GPC5: variants seen among roughly 807,000 people sequenced by gnomAD.
GPC5 encodes glypican 5.
GPC5 carries 47 observed loss-of-function variants against 53.9 expected under a neutral mutation model. The observed-to-expected ratio is 0.87, with a 90% CI of 0.69 to 1.11. The LOEUF (loss-of-function observed/expected upper bound fraction) is 1.11, where lower values mean the gene tolerates loss of function less well. GPC5 is among the 50% of genes most tolerant of loss of function. The probability of loss-of-function intolerance (pLI) is 0.00; values close to 1 mark genes in which losing one functional copy is unlikely to be tolerated. For missense variants in GPC5, 748 were observed against 713.1 expected (o/e 1.05, Z -0.56); for synonymous variants, 286 against 263.3 (o/e 1.09, Z -0.84).
At chr13:92,634,113 G>C (rs35683948) in intron 7 of GPC5, among the ~76,000 whole-genome samples, 1 of 131,362 alleles carries the variant, frequency 7.6e-6, no homozygotes, top group Non-Finnish European at 1.9e-5. Context: ...TCTTGGTTAC[G>C]GACTATCTTT....
intron 1 of GPC5, among the ~76,000 whole-genome samples, chr13:91,416,103 G>A (rs1463983183): frequency 1.3e-5 from 2 of 151,906 alleles, no homozygotes; most frequent in African/African-American, 4.8e-5. Context: ...TAGCAGAGGT[G>A]GGAGGAAGAC....
intron 2 of GPC5, among the ~76,000 whole-genome samples, chr13:91,655,510 A>G (rs1220800986): frequency 6.6e-6 from 1 of 152,106 alleles, no homozygotes; most frequent in African/African-American, 2.4e-5. Context: ...TAAAATCTCA[A>G]AAGGCATTTA....
At chr13:92,345,776 C>T (rs2043406182) in intron 7 of GPC5, among the ~76,000 whole-genome samples, 1 of 152,054 alleles carries the variant, frequency 6.6e-6, no homozygotes, top group East Asian at 1.9e-4. Context: ...TCCCAGAAAG[C>T]CCACTTCAGT....
intron 7 of GPC5, among the ~76,000 whole-genome samples, chr13:92,471,003 T>C (rs983826859): frequency 6.6e-6 from 1 of 152,072 alleles, no homozygotes; most frequent in Non-Finnish European, 1.5e-5. Context: ...TATCAGAGGA[T>C]GTAGGAGATG....
chr13:91,823,832 C>A (rs77061064), intron 5 of GPC5, among the ~76,000 whole-genome samples: 6,709 of 152,122 alleles, frequency 0.044, 172 homozygotes, highest in Middle Eastern at 0.065. Context: ...ATTTTTGCTT[C>A]ATTAGTTCTT....
At position 92,465,368 on chromosome 13, in the gene GPC5, A is replaced by T. The variant is rs190552231; in HGVS notation, c.1561+320379A>T. On this transcript the variant is annotated intron_variant, in intron 7 of 7. Transcript: ENST00000377067. ...GACATGAATGAACTATGTACAATTT[A>T]GACATACAGATGAAGATTATATTCT... Among the ~76,000 whole-genome samples the T allele has an allele frequency of 6.4e-4, 98 of 152,250 alleles. 1 individual carries two copies. The highest frequency in any genetic ancestry group is 2.3e-3 in the African/African-American group (94 of 41,584).
At chr13:92,166,921 G>GTCTCTCTCTCTCTC (rs35310453) in intron 7 of GPC5, among the ~76,000 whole-genome samples, 37 of 128,480 alleles carry the variant, frequency 2.9e-4, no homozygotes, top group African/African-American at 1.1e-3. Flanking sequence ...ATAAGTCTCA[G>GTCTCTCTCTCTCTC]TCTCTCTCTC....
At chr13:92,225,094 C>A (rs2042475700) in intron 7 of GPC5, among the ~76,000 whole-genome samples, 1 of 152,066 alleles carries the variant, frequency 6.6e-6, no homozygotes, top group Admixed American at 6.5e-5. Context: ...TGCCCCATAG[C>A]CTATTGAGTA....
chr13:92,577,418 A>ATGTGTGTGTGTGTC (rs1555292114), intron 7 of GPC5, among the ~76,000 whole-genome samples: 7 of 145,346 alleles, frequency 4.8e-5, no homozygotes, highest in Non-Finnish European at 1.1e-4. Context: ...ATGTATGTAT[A>ATGTGTGTGTGTGTC]TGTGTGTGTG....
intron 2 of GPC5, among the ~76,000 whole-genome samples, chr13:91,542,516 A>G (rs911582711): frequency 1.3e-5 from 2 of 152,174 alleles, no homozygotes; most frequent in African/African-American, 4.8e-5. Flanking sequence ...TTCCAGTGTT[A>G]GTTTTTGCAT....
chr13:92,429,811 AT>A (rs1434924129), intron 7 of GPC5, among the ~76,000 whole-genome samples: 1 of 152,136 alleles, frequency 6.6e-6, no homozygotes, highest in African/African-American at 2.4e-5. Flanking sequence ...ATCATTAAGA[AT>A]TACTGGGAGC....
chr13:92,522,838 T>G (rs1040482018), intron 7 of GPC5, among the ~76,000 whole-genome samples: 25 of 152,144 alleles, frequency 1.6e-4, no homozygotes, highest in African/African-American at 6.0e-4. Flanking sequence ...AAATTCTGTT[T>G]TAAAATATTG....
At chr13:91,860,420 A>G (rs527271334) in intron 5 of GPC5, among the ~76,000 whole-genome samples, 33 of 149,084 alleles carry the variant, frequency 2.2e-4, no homozygotes, top group Admixed American at 2.1e-3. Context: ...TTATGGCCGA[A>G]TAGTACTTCA....
Position 91,617,128 on chromosome 13 carries a change from G to C in GPC5, c.326-76059G>C, listed in dbSNP as rs77458476. On this transcript the variant is annotated intron_variant, in intron 2 of 7. Transcript: ENST00000377067. ...TTATTGAATGTCTGTTACATGTCAG[G>C]GTTGGGTGTAGCAATCAATTAAATG... Among the ~76,000 whole-genome samples the C allele has an allele frequency of 3.3e-5, 5 of 152,226 alleles. No homozygotes were observed. The East Asian group carries it at 9.6e-4, about 29-fold the overall frequency.
At chr13:92,055,401 G>T (rs1193656983) in intron 6 of GPC5, among the ~76,000 whole-genome samples, 3 of 152,092 alleles carry the variant, frequency 2.0e-5, no homozygotes, top group African/African-American at 4.8e-5. Flanking sequence ...AATGTTTAAG[G>T]TTTATTAATT....
In GPC5 at chr13:91,866,920, A is replaced by G. The variant is rs371192299; in HGVS notation, c.1281-41017A>G. 1.5e-3 allele frequency among the ~76,000 whole-genome samples: 232 copies of G among 152,332 alleles called. 1 individual carries two copies. In the Middle Eastern group the frequency reaches 0.054, roughly 36 times the overall value. ...CTTCCACTATTGAAGTAAAAGTATCATCATTGGCTGGATGTGGGGACGTGG... is the reference window on the plus strand; with the variant it reads ...CTTCCACTATTGAAGTAAAAGTATCGTCATTGGCTGGATGTGGGGACGTGG... On this transcript the variant is annotated intron_variant, in intron 5 of 7. Coordinates refer to ENST00000377067, the MANE Select transcript of GPC5 (RefSeq NM_004466.6).
rs533521496 is a variant in GPC5 at position 92,618,587 on chromosome 13, A to G, written c.1562-247695A>G. On this transcript the variant is annotated intron_variant, in intron 7 of 7. Coordinates refer to ENST00000377067, the MANE Select transcript of GPC5 (RefSeq NM_004466.6). ...CTTCACTTTTATTCTAAAGATTTTC[A>G]TAAGAAATGTTTGCTGATTTCAACT... Among the ~76,000 whole-genome samples the G allele has an allele frequency of 8.6e-4, 131 of 152,064 alleles. 1 individual carries two copies. Among genetic ancestry groups the G allele is most frequent in the African/African-American group, 2.7e-3 (114 of 41,542 alleles).
intron 7 of GPC5, among the ~76,000 whole-genome samples, chr13:92,277,625 AT>A (rs965391632): frequency 1.4e-4 from 21 of 152,050 alleles, no homozygotes; most frequent in African/African-American, 4.6e-4. Context: ...AATACTAAGC[AT>A]TTTTTTACTT....
chr13:92,408,678 T>C (rs1435050509), intron 7 of GPC5, among the ~76,000 whole-genome samples: 1 of 151,956 alleles, frequency 6.6e-6, no homozygotes, highest in Non-Finnish European at 1.5e-5. Context: ...TGTATATGTA[T>C]TTATATATAC....
Sources: gnomAD v4.1 joint callset for allele counts (sites outside exome capture counted in the v4.1 genomes callset) on GRCh38, gnomAD v4.1.1 for gene constraint, MANE v1.5 for transcripts, NCBI Gene and HGNC (gene_info 2026-07-23, HGNC 2026-07-21) for gene names.